NEU3: variants seen among roughly 807,000 people sequenced by gnomAD.
NEU3 encodes sialidase-3.
A neutral mutation model predicts 11.4 loss-of-function variants in NEU3; 10 were observed. The ratio of observed to expected loss-of-function variants is 0.88; its 90% confidence interval spans 0.54 to 1.49. The LOEUF (loss-of-function observed/expected upper bound fraction) is 1.49. Ranked by LOEUF, NEU3 falls within the 40% of genes most tolerant of loss-of-function variation. The probability of loss-of-function intolerance (pLI) is 0.00; values close to 1 mark genes in which losing one functional copy is unlikely to be tolerated. For synonymous variants in NEU3, 212 were observed against 228.2 expected (o/e 0.93, Z 0.64); for missense variants, 529 against 581.8 (o/e 0.91, Z 0.93).
chr11:75,018,440 G>A (rs1948989910), intron 3 of NEU3, among the ~76,000 whole-genome samples: 1 of 152,114 alleles, frequency 6.6e-6, no homozygotes, highest in Admixed American at 6.5e-5. Flanking sequence ...AGCTGCCAGT[G>A]CAGCTAGACT....
downstream of NEU3, among the ~76,000 whole-genome samples, chr11:75,015,346 C>G (rs1402547354): frequency 6.6e-6 from 1 of 152,198 alleles, no homozygotes; most frequent in African/African-American, 2.4e-5. Flanking sequence ...CTCCAGAACA[C>G]TGAGCAATAA....
the NEU3 span, among the ~76,000 whole-genome samples, chr11:74,982,440 A>G: frequency 1.1e-3 from 162 of 152,296 alleles, no homozygotes; most frequent in African/African-American, 3.8e-3. Flanking sequence ...GAAGGAAGAA[A>G]ATACATGCAG....
rs934636099 is a variant in NEU3 at position 75,010,691 on chromosome 11, G to A, written c.*4199G>A. The A allele has an allele frequency of 2.0e-5, 3 of 152,172 alleles. No homozygotes were observed. The East Asian group carries it at 5.8e-4, about 29-fold the overall frequency. The allele number at this position is 152,172 out of a possible 1,614,324, so 9.4% of individuals were successfully genotyped here. A position where few individuals can be genotyped will look rare whatever the true frequency, so the allele number is the denominator to read the frequency against. On this transcript the variant is annotated 3_prime_UTR_variant, in exon 3 of 3. Transcript: ENST00000294064. ...GAGCAGCCTAATCAAGCCAAGCCTT[G>A]ATTTGGGGTTCTCACTTCACTGGTA...
At chr11:74,997,178 T>C (rs995171903) in intron 2 of NEU3, among the ~76,000 whole-genome samples, 1 of 152,170 alleles carries the variant, frequency 6.6e-6, no homozygotes, top group African/African-American at 2.4e-5. Flanking sequence ...ACAGGGAAAA[T>C]CTGTTGTTTG....
chr11:75,005,948 A>G lies in NEU3; in HGVS notation c.842A>G (p.Asn281Ser). 1 of 1,613,708 alleles carries G rather than the reference A, an allele frequency of 6.2e-7. No individual in the cohort carries two copies. The highest frequency in any genetic ancestry group is 2.2e-5 in the East Asian group (1 of 44,852). Residue 281 changes from asparagine to serine, a missense_variant, in exon 3 of 3, where the codon AAC becomes AGC. Asn to Ser is a conservative substitution (Grantham distance 46, BLOSUM62 1). Transcript: ENST00000294064. ...CTATATTGCAGTGCCCGGACACCAAACAGGTGCCGGGCAGAGGCGCTCAGC... is the reference window on the plus strand; with the variant it reads ...CTATATTGCAGTGCCCGGACACCAAGCAGGTGCCGGGCAGAGGCGCTCAGC... ...PVLYCSARTPNRCRAEALSTD... is the reference protein window; with the variant it reads ...PVLYCSARTPSRCRAEALSTD...
At chr11:75,014,602 G>C (rs1948973251), downstream of NEU3, among the ~76,000 whole-genome samples, 1 of 152,216 alleles carries the variant, frequency 6.6e-6, no homozygotes, top group African/African-American at 2.4e-5. Context: ...AATAGGCTGG[G>C]CATGGTAGCT....
intron 2 of NEU3, among the ~76,000 whole-genome samples, chr11:74,997,152 G>A (rs1437872853): frequency 6.6e-6 from 1 of 152,222 alleles, no homozygotes; most frequent in Admixed American, 6.5e-5. Context: ...TCTTTCAGTA[G>A]AAGGCTGTTT....
chr11:74,981,711 A>G, the NEU3 span, among the ~76,000 whole-genome samples: 3 of 152,238 alleles, frequency 2.0e-5, no homozygotes, highest in Admixed American at 6.5e-5. Flanking sequence ...GTAGGATAAA[A>G]TTCACAGATG....
At chr11:75,004,340 A>C in intron 2 of NEU3, 1 of 663,542 alleles carries the variant, frequency 1.5e-6, no homozygotes, top group East Asian at 2.9e-5. Context: ...GACTGGTCTC[A>C]AACTCCTGGA....
chr11:74,988,983 A>C lies in NEU3; in HGVS notation c.-78A>C, dbSNP rs112880574. The C allele has an allele frequency of 3.7e-6, 4 of 1,078,908 alleles. No individual in the cohort carries two copies. Among genetic ancestry groups the C allele is most frequent in the African/African-American group, 1.6e-5 (1 of 61,910 alleles). The allele number at this position is 1,078,908 out of a possible 1,614,324, so 66.8% of individuals were successfully genotyped here. A position where few individuals can be genotyped will look rare whatever the true frequency, so the allele number is the denominator to read the frequency against. On this transcript the variant is annotated 5_prime_UTR_variant, in exon 1 of 3. Transcript: ENST00000294064. ...GGCTTGTCTCCGTGTCCTCCGTCTC[A>C]GTTGTTTCTCCCTCTCTATCCTCCT... is the stretch of plus-strand genomic sequence containing the variant.
chr11:74,987,706 G>C (rs558455653), upstream of NEU3, among the ~76,000 whole-genome samples: 1 of 151,890 alleles, frequency 6.6e-6, no homozygotes, highest in Non-Finnish European at 1.5e-5. Flanking sequence ...CCAGCTACTC[G>C]GGAGGCTGAG....
At chr11:74,984,006 T>C (rs557848885), upstream of NEU3, among the ~76,000 whole-genome samples, 3 of 152,328 alleles carry the variant, frequency 2.0e-5, no homozygotes, top group South Asian at 6.2e-4. Context: ...TAGAGTTCTG[T>C]TGATAGTACC....
intron 2 of NEU3, among the ~76,000 whole-genome samples, chr11:75,002,229 G>T (rs1948852246): frequency 6.6e-6 from 1 of 152,128 alleles, no homozygotes; most frequent in South Asian, 2.1e-4. Flanking sequence ...AAAAAAAAAT[G>T]TTTTGTAGAG....
At chr11:75,001,314 C>T (rs1459729876) in intron 2 of NEU3, among the ~76,000 whole-genome samples, 2 of 136,388 alleles carry the variant, frequency 1.5e-5, no homozygotes, top group Non-Finnish European at 3.1e-5. Flanking sequence ...TGGAGTCTTA[C>T]TCTGTCACCC....
intron 2 of NEU3, among the ~76,000 whole-genome samples, chr11:75,003,578 T>G (rs1022852894): frequency 6.6e-6 from 1 of 152,226 alleles, no homozygotes; most frequent in Non-Finnish European, 1.5e-5. Flanking sequence ...TATTTTGCTT[T>G]CTTTATTTAA....
chr11:74,989,879 G>A (rs1948711413), intron 1 of NEU3: 5 of 679,300 alleles, frequency 7.4e-6, no homozygotes, highest in Non-Finnish European at 2.7e-6. Flanking sequence ...TGATTATATC[G>A]AGCAGCAAGT....
downstream of NEU3, chr11:75,018,974 C>A (rs1384925548): frequency 1.3e-5 from 2 of 152,676 alleles, no homozygotes; most frequent in African/African-American, 4.8e-5. Context: ...AAAGGTGACT[C>A]TTGTTATGTT....
chr11:75,009,044 G>C lies in NEU3; in HGVS notation c.*2552G>C, dbSNP rs937395620. 6.6e-6 allele frequency: 1 copy of C among 152,166 alleles called. No homozygotes were observed. The highest frequency in any genetic ancestry group is 1.5e-5 in the Non-Finnish European group (1 of 68,028). The allele number at this position is 152,166 out of a possible 1,614,324, so 9.4% of individuals were successfully genotyped here. A position where few individuals can be genotyped will look rare whatever the true frequency, so the allele number is the denominator to read the frequency against. ...TGACTAGCATCGAAACTCTTTAAAT[G>C]GGGCAGGCCTGTGTTCTTATCTCAG... On this transcript the variant is annotated 3_prime_UTR_variant, in exon 3 of 3. Transcript: ENST00000294064.
chr11:75,013,839 C>T (rs1330998336), downstream of NEU3, among the ~76,000 whole-genome samples: 1 of 152,066 alleles, frequency 6.6e-6, no homozygotes, highest in Non-Finnish European at 1.5e-5. Context: ...CAATGTCACA[C>T]AACCAGTAAG....
Sources: gnomAD v4.1 joint callset for allele counts (sites outside exome capture counted in the v4.1 genomes callset) on GRCh38, gnomAD v4.1.1 for gene constraint, MANE v1.5 for transcripts, NCBI Gene and HGNC (gene_info 2026-07-23, HGNC 2026-07-21) for gene names.